The following KCTD8 variants were observed in gnomAD, a reference collection of about 807,000 sequenced individuals.
KCTD8 encodes potassium channel tetramerization domain containing 8, also known as BTB/POZ domain-containing protein KCTD8.
KCTD8 carries 27 observed loss-of-function variants against 31.5 expected under a neutral mutation model. The ratio of observed to expected loss-of-function variants is 0.86; its 90% confidence interval spans 0.63 to 1.18. KCTD8 has a LOEUF of 1.18. KCTD8 is among the 50% of genes most tolerant of loss of function. The probability of loss-of-function intolerance (pLI) is 0.00; values close to 1 mark genes in which losing one functional copy is unlikely to be tolerated. For missense variants in KCTD8, 658 were observed against 647.7 expected, an observed-to-expected ratio of 1.02 and a Z score of -0.17; for synonymous variants, 290 against 280.0, an observed-to-expected ratio of 1.04 and a Z score of -0.36.
chr4:44,339,472 G>A (rs1718839340), intron 1 of KCTD8, among the ~76,000 whole-genome samples: 1 of 152,092 alleles, frequency 6.6e-6, no homozygotes, highest in Non-Finnish European at 1.5e-5. Context: ...CGATTCAAAT[G>A]ATAAAAGGGT....
At chr4:44,416,665 G>A (rs1721084540) in intron 1 of KCTD8, among the ~76,000 whole-genome samples, 1 of 152,136 alleles carries the variant, frequency 6.6e-6, no homozygotes, top group Admixed American at 6.6e-5. Flanking sequence ...CTCTTGCCAT[G>A]TGACACAACA....
At chr4:44,400,245 C>A (rs181559591) in intron 1 of KCTD8, among the ~76,000 whole-genome samples, 1 of 152,188 alleles carries the variant, frequency 6.6e-6, no homozygotes, top group East Asian at 1.9e-4. Context: ...ACAACAACTG[C>A]TGAGTGTTTG....
intron 1 of KCTD8, among the ~76,000 whole-genome samples, chr4:44,374,150 G>A (rs998990359): frequency 1.3e-5 from 2 of 152,098 alleles, no homozygotes; most frequent in African/African-American, 4.8e-5. Context: ...TGACTGCACA[G>A]GCTTTTACTA....
chr4:44,415,415 T>C (rs1221321480), intron 1 of KCTD8, among the ~76,000 whole-genome samples: 1 of 152,128 alleles, frequency 6.6e-6, no homozygotes, highest in Non-Finnish European at 1.5e-5. Flanking sequence ...TTAGCATGAC[T>C]AAAAGGGAAC....
chr4:44,254,195 G>A (rs541890678), intron 1 of KCTD8, among the ~76,000 whole-genome samples: 1 of 151,876 alleles, frequency 6.6e-6, no homozygotes, highest in South Asian at 2.1e-4. Flanking sequence ...TAAAAAAAGT[G>A]AACTGTTTAG....
intron 1 of KCTD8, among the ~76,000 whole-genome samples, chr4:44,307,459 G>C (rs2109396654): frequency 6.6e-6 from 1 of 151,980 alleles, no homozygotes; most frequent in African/African-American, 2.4e-5. Flanking sequence ...ATTTTCAAGA[G>C]GAATGTCATT....
chr4:44,249,152 A>G (rs563584362), intron 1 of KCTD8, among the ~76,000 whole-genome samples: 4 of 151,838 alleles, frequency 2.6e-5, no homozygotes, highest in Non-Finnish European at 1.5e-5. Context: ...CTTTCATTAA[A>G]TTTTATTTGG....
chr4:44,346,711 T>C (rs1719046666), intron 1 of KCTD8, among the ~76,000 whole-genome samples: 1 of 152,210 alleles, frequency 6.6e-6, no homozygotes, highest in African/African-American at 2.4e-5. Flanking sequence ...TCATGGTGAC[T>C]GACCCTTCTT....
chr4:44,243,791 A>G (rs1715572726), intron 1 of KCTD8, among the ~76,000 whole-genome samples: 1 of 152,254 alleles, frequency 6.6e-6, no homozygotes, highest in Non-Finnish European at 1.5e-5. Flanking sequence ...AAGCAAAAGA[A>G]AAGGAAGAGA....
chr4:44,420,802 A>C (rs536586448), intron 1 of KCTD8, among the ~76,000 whole-genome samples: 112 of 152,268 alleles, frequency 7.4e-4, no homozygotes, highest in African/African-American at 2.3e-3. Flanking sequence ...AATATTATAG[A>C]AGTGTAGAGA....
chr4:44,202,297 A>G (rs1321337086), intron 1 of KCTD8, among the ~76,000 whole-genome samples: 1 of 152,188 alleles, frequency 6.6e-6, no homozygotes, highest in Non-Finnish European at 1.5e-5. Flanking sequence ...TGGGGATAAT[A>G]AATTGTTCTA....
intron 1 of KCTD8, among the ~76,000 whole-genome samples, chr4:44,205,854 C>T (rs1714288564): frequency 1.3e-5 from 2 of 152,192 alleles, no homozygotes; most frequent in Admixed American, 6.5e-5. Context: ...CTTACCATGT[C>T]GTAGGTAGAA....
intron 1 of KCTD8, among the ~76,000 whole-genome samples, chr4:44,410,035 C>A (rs924807910): frequency 1.3e-5 from 2 of 152,072 alleles, no homozygotes; most frequent in Non-Finnish European, 2.9e-5. Context: ...TAATGAGGAA[C>A]CTTCTTAATT....
chr4:44,269,382 A>T (rs1380604168), intron 1 of KCTD8, among the ~76,000 whole-genome samples: 3 of 151,682 alleles, frequency 2.0e-5, no homozygotes, highest in African/African-American at 7.3e-5. Flanking sequence ...CTTATACAAA[A>T]ATTAATTCAA....
intron 1 of KCTD8, among the ~76,000 whole-genome samples, chr4:44,297,808 C>A (rs1577600384): frequency 6.6e-6 from 1 of 152,190 alleles, no homozygotes; most frequent in Admixed American, 6.5e-5. Context: ...TACATGAACA[C>A]AGCACTTGTG....
At chr4:44,285,177 G>C (rs1429349879) in intron 1 of KCTD8, among the ~76,000 whole-genome samples, 1 of 152,174 alleles carries the variant, frequency 6.6e-6, no homozygotes, top group Non-Finnish European at 1.5e-5. Flanking sequence ...GTACACATAT[G>C]TGTATTGCAG....
chr4:44,441,121 A>C (rs547194456), intron 1 of KCTD8, among the ~76,000 whole-genome samples: 1 of 152,282 alleles, frequency 6.6e-6, no homozygotes, highest in South Asian at 2.1e-4. Flanking sequence ...TATACTTACA[A>C]ATTATAAAGT....
chr4:44,346,781 C>T (rs950853517), intron 1 of KCTD8, among the ~76,000 whole-genome samples: 8 of 152,050 alleles, frequency 5.3e-5, no homozygotes, highest in South Asian at 4.1e-4. Context: ...TTCCTAATTA[C>T]GTATATATGT....
chr4:44,371,684 T>G (rs1244229658), intron 1 of KCTD8, among the ~76,000 whole-genome samples: 1 of 152,196 alleles, frequency 6.6e-6, no homozygotes, highest in African/African-American at 2.4e-5. Context: ...TCCAGGTTGT[T>G]AAAAGTGGTT....
Sources: gnomAD v4.1 joint callset for allele counts (sites outside exome capture counted in the v4.1 genomes callset) on GRCh38, gnomAD v4.1.1 for gene constraint, MANE v1.5 for transcripts, NCBI Gene and HGNC (gene_info 2026-07-23, HGNC 2026-07-21) for gene names.